Variants in MAST2 observed in about 807,000 individuals in gnomAD.
The protein encoded by MAST2 is microtubule-associated serine/threonine-protein kinase 2.
MAST2 carries 70 observed loss-of-function variants against 147.4 expected under a neutral mutation model. That is an observed-to-expected ratio of 0.47 (90% confidence interval 0.39 to 0.58). The LOEUF (loss-of-function observed/expected upper bound fraction) is 0.58, where lower values mean the gene tolerates loss of function less well. Ranked by LOEUF, MAST2 falls within the 20% of genes least tolerant of loss-of-function variation. MAST2 has a pLI of 0.00. For synonymous variants in MAST2, 869 were observed against 896.8 expected, an observed-to-expected ratio of 0.97 and a Z score of 0.55; for missense variants, 2,080 against 2,302.3, an observed-to-expected ratio of 0.90 and a Z score of 1.98.
At chr1:45,813,178 G>T (rs1208735743) in intron 1 of MAST2, among the ~76,000 whole-genome samples, 1 of 151,918 alleles carries the variant, frequency 6.6e-6, no homozygotes, top group East Asian at 1.9e-4. Flanking sequence ...ATTACTTAGG[G>T]AATAGTGACA....
intron 4 of MAST2, among the ~76,000 whole-genome samples, chr1:45,922,129 T>TC (rs1653605487): frequency 6.6e-6 from 1 of 152,136 alleles, no homozygotes; most frequent in Non-Finnish European, 1.5e-5. Context: ...GGTCCCTCCC[T>TC]CCTCTCCCCA....
At chr1:45,836,766 A>G (rs1045110237) in intron 3 of MAST2, among the ~76,000 whole-genome samples, 21 of 152,358 alleles carry the variant, frequency 1.4e-4, no homozygotes, top group Non-Finnish European at 2.6e-4. Flanking sequence ...AGATGTATAC[A>G]GTTGTGTCAC....
intron 5 of MAST2, among the ~76,000 whole-genome samples, chr1:45,965,098 T>A (rs900591950): frequency 6.6e-6 from 1 of 152,204 alleles, no homozygotes; most frequent in Non-Finnish European, 1.5e-5. Flanking sequence ...TTGTTACAAT[T>A]TCTGTTCTTT....
chr1:45,967,804 A>G (rs1455788563), intron 5 of MAST2, among the ~76,000 whole-genome samples: 1 of 152,196 alleles, frequency 6.6e-6, no homozygotes, highest in Non-Finnish European at 1.5e-5. Flanking sequence ...ATCCAAATCA[A>G]CCTTCAAATA....
chr1:46,026,782 A>G (rs1022151893), intron 16 of MAST2, among the ~76,000 whole-genome samples: 1 of 152,188 alleles, frequency 6.6e-6, no homozygotes, highest in Non-Finnish European at 1.5e-5. Context: ...GTGCAGGGTG[A>G]TAAGCCTCTG....
At chr1:45,912,400 C>T (rs1455026204) in intron 4 of MAST2, among the ~76,000 whole-genome samples, 2 of 152,154 alleles carry the variant, frequency 1.3e-5, no homozygotes, top group Non-Finnish European at 2.9e-5. Flanking sequence ...TTGCTGTGTG[C>T]GAAGGACTAA....
At chr1:45,883,631 ATAGTT>A (rs1646939772) in intron 4 of MAST2, among the ~76,000 whole-genome samples, 1 of 152,122 alleles carries the variant, frequency 6.6e-6, no homozygotes, top group African/African-American at 2.4e-5. Flanking sequence ...TTTATTACTT[ATAGTT>A]TAATTTTAAT....
intron 3 of MAST2, among the ~76,000 whole-genome samples, chr1:45,867,767 T>C (rs772618025): frequency 1.3e-5 from 2 of 152,126 alleles, no homozygotes; most frequent in Non-Finnish European, 2.9e-5. Flanking sequence ...ATGGCCAGGC[T>C]AGATGTATAG....
Position 45,824,591 on chromosome 1 carries a change from G to C in MAST2, c.325+11G>C. 1.3e-6 allele frequency: 2 copies of C among 1,567,740 alleles called. No homozygotes were observed. Among genetic ancestry groups the C allele is most frequent in the Non-Finnish European group, 1.7e-6 (2 of 1,152,702 alleles). On this transcript the variant is annotated intron_variant, in intron 2 of 28. Transcript: ENST00000361297. ...CCAGCTCTCTATCGGGTAAATATCT[G>C]ATTTTGTTGTTTTAAGAAATGTGGG...
At chr1:45,974,694 G>A (rs1318818841) in intron 5 of MAST2, among the ~76,000 whole-genome samples, 1 of 152,112 alleles carries the variant, frequency 6.6e-6, no homozygotes, top group Non-Finnish European at 1.5e-5. Flanking sequence ...TAAAAGGATG[G>A]GAGAAAGAGT....
intron 1 of MAST2, among the ~76,000 whole-genome samples, chr1:45,816,092 T>A (rs1470747377): frequency 1.3e-5 from 2 of 152,038 alleles, no homozygotes; most frequent in Non-Finnish European, 2.9e-5. Context: ...TGAATGCAAG[T>A]AAAGGCCTTT....
At chr1:45,852,048 C>T (rs1645638207) in intron 3 of MAST2, among the ~76,000 whole-genome samples, 1 of 152,024 alleles carries the variant, frequency 6.6e-6, no homozygotes, top group Admixed American at 6.5e-5. Flanking sequence ...CCAGCTTTCA[C>T]CAATAGTGTC....
At chr1:45,857,313 G>C (rs1645821508) in intron 3 of MAST2, among the ~76,000 whole-genome samples, 1 of 152,128 alleles carries the variant, frequency 6.6e-6, no homozygotes, top group Non-Finnish European at 1.5e-5. Context: ...TTAATCATAA[G>C]CCTATGTAAA....
At chr1:45,941,774 C>T (rs1489303113) in intron 4 of MAST2, among the ~76,000 whole-genome samples, 5 of 152,212 alleles carry the variant, frequency 3.3e-5, no homozygotes, top group Admixed American at 6.5e-5. Flanking sequence ...TGCCTTGTTC[C>T]TCCTCTTAGG....
chr1:45,893,640 C>T (rs906983630), intron 4 of MAST2, among the ~76,000 whole-genome samples: 1 of 151,116 alleles, frequency 6.6e-6, no homozygotes, highest in Non-Finnish European at 1.5e-5. Context: ...ACTTTTGTTT[C>T]CTAAAATCTG....
intron 1 of MAST2, among the ~76,000 whole-genome samples, chr1:45,806,361 G>T (rs1378461571): frequency 6.6e-6 from 1 of 152,108 alleles, no homozygotes; most frequent in Non-Finnish European, 1.5e-5. Flanking sequence ...TCATTGCTGT[G>T]TAATTTTCCA....
intron 1 of MAST2, among the ~76,000 whole-genome samples, chr1:45,806,788 G>T (rs536736890): frequency 6.6e-6 from 1 of 152,276 alleles, no homozygotes; most frequent in African/African-American, 2.4e-5. Flanking sequence ...TGTTGGCCAG[G>T]CTAGTCACGA....
intron 4 of MAST2, among the ~76,000 whole-genome samples, chr1:45,897,516 GA>G (rs1185043564): frequency 6.6e-6 from 1 of 152,106 alleles, no homozygotes; most frequent in African/African-American, 2.4e-5. Context: ...GGGGAGGAAA[GA>G]AAAAACTATA....
chr1:45,832,059 C>T (rs761915103), intron 3 of MAST2, among the ~76,000 whole-genome samples: 2 of 152,112 alleles, frequency 1.3e-5, no homozygotes, highest in African/African-American at 2.4e-5. Context: ...GGATTACAGG[C>T]GTGAGCCACC....
Sources: gnomAD v4.1 joint callset for allele counts (sites outside exome capture counted in the v4.1 genomes callset) on GRCh38, gnomAD v4.1.1 for gene constraint, MANE v1.5 for transcripts, NCBI Gene and HGNC (gene_info 2026-07-23, HGNC 2026-07-21) for gene names.